ERCC3: variants seen among roughly 807,000 people sequenced by gnomAD.
The protein encoded by ERCC3 is ERCC excision repair 3, TFIIH core complex helicase subunit.
In ERCC3, 66 loss-of-function variants were observed where a neutral mutation model predicts 94.2. The ratio of observed to expected loss-of-function variants is 0.70; its 90% CI spans 0.57 to 0.86. The LOEUF (loss-of-function observed/expected upper bound fraction) is 0.86, where lower values mean the gene tolerates loss of function less well. Among genes scored for constraint, ERCC3 ranks in the 40% least tolerant of loss-of-function variants. ERCC3 has a pLI of 0.00. For synonymous variants in ERCC3, 349 were observed against 369.1 expected, an observed-to-expected ratio of 0.95 and a Z score of 0.63; for missense variants, 829 against 987.1, an observed-to-expected ratio of 0.84 and a Z score of 2.15.
chr2:127,293,844 T>C lies in ERCC3; in HGVS notation c.29-126A>G, dbSNP rs758975368. The C allele has an allele frequency of 2.1e-5, 33 of 1,574,630 alleles. No homozygotes were observed. The African/African-American group carries it at 4.0e-4, about 19-fold the overall frequency. On this transcript the variant is annotated intron_variant, in intron 1 of 14. Transcript: ENST00000285398. ...AAGAGCCACCTGCATCCCGCAGGCG[T>C]TGCGCCCCTCACCCGTCTCCCCTAG...
chr2:127,282,926 AAACATG>A (rs1031264093), intron 8 of ERCC3, among the ~76,000 whole-genome samples: 6 of 152,124 alleles, frequency 3.9e-5, no homozygotes, highest in Non-Finnish European at 7.3e-5. Flanking sequence ...GGTTAAAGAA[AAACATG>A]AACGTGTACC....
At chr2:127,290,126 G>T in intron 4 of ERCC3, 98 bp downstream of exon 4, 1 of 1,015,870 alleles carries the variant, frequency 9.8e-7, no homozygotes, top group Non-Finnish European at 1.6e-6. Context: ...TCACAGAAAA[G>T]ACAGCATAAA....
At position 127,272,950 on chromosome 2, in the gene ERCC3, T is replaced by C. The variant is rs778277009; in HGVS notation, c.1742A>G (p.Tyr581Cys). 6 of 1,606,012 alleles carry C rather than the reference T, an allele frequency of 3.7e-6. No homozygotes were observed. The highest frequency in any genetic ancestry group is 5.1e-6 in the Non-Finnish European group (6 of 1,172,664). Reference sequence around the variant, plus strand: ...CCTTTCCCCCTGAGACGTAGGTCCGTAGATATAGGGTCTAGAGAAGAATGA... The same window carrying C: ...CCTTTCCCCCTGAGACGTAGGTCCGCAGATATAGGGTCTAGAGAAGAATGA... The part of the protein sequence containing the change: ...YAIRLNKPYI[Y>C]GPTSQGERMQ... The change falls in exon 11 of 15, where the codon TAC (tyrosine) becomes TGC (cysteine). Residue 581 changes from tyrosine (Y) to cysteine (C), a missense_variant. By Grantham distance (194) the Tyr-to-Cys change is radical. Transcript: ENST00000285398.
At chr2:127,269,392 T>G (rs1263151587) in intron 12 of ERCC3, among the ~76,000 whole-genome samples, 1 of 152,072 alleles carries the variant, frequency 6.6e-6, no homozygotes, top group East Asian at 1.9e-4. Context: ...AAACAGTGTT[T>G]TGAGTAAGAA....
chr2:127,282,622 C>T (rs1684951448), intron 8 of ERCC3, among the ~76,000 whole-genome samples: 1 of 152,220 alleles, frequency 6.6e-6, no homozygotes, highest in Non-Finnish European at 1.5e-5. Flanking sequence ...GACGTTAAGA[C>T]AGTCAGGAGA....
chr2:127,286,951 C>T lies in ERCC3; in HGVS notation c.1094G>A (p.Gly365Asp), dbSNP rs772229792. 1 of 1,614,092 alleles carries T rather than the reference C, an allele frequency of 6.2e-7. No individual in the cohort carries two copies. Among genetic ancestry groups the T allele is most frequent in the Admixed American group, 1.7e-5 (1 of 60,022 alleles). Reference sequence around the variant, plus strand: ...CTGCTCCACAGAAACAGCTGAGTTGCCCAGCACCAGACAGCGTTTTCTGAC... The same window carrying T: ...CTGCTCCACAGAAACAGCTGAGTTGTCCAGCACCAGACAGCGTTTTCTGAC... ...CTVRKRCLVL[G>D]NSAVSVEQWK... Residue 365 changes from glycine to aspartate, a missense_variant, in exon 8 of 15, where the codon GGC (glycine) becomes GAC (aspartate). By Grantham distance (94) the Gly-to-Asp change is moderately conservative (BLOSUM62 -1). Transcript: ENST00000285398.
In ERCC3 at chr2:127,257,879, T is replaced by C; in HGVS notation, c.2218-152A>G. 2 of 888,984 alleles carry C rather than the reference T, an allele frequency of 2.2e-6. No individual in the cohort carries two copies. The highest frequency in any genetic ancestry group is 3.5e-6 in the Non-Finnish European group (2 of 565,600). The allele number at this position is 888,984 out of a possible 1,614,324, so 55.1% of individuals were successfully genotyped here. A position where few individuals can be genotyped will look rare whatever the true frequency, so the allele number is the denominator to read the frequency against. On this transcript the variant is annotated intron_variant, in intron 14 of 14. Coordinates refer to ENST00000285398, the MANE Select transcript of ERCC3 (RefSeq NM_000122.2). This position sits in a 1 kb window ranked among gnomAD's most constrained non-coding sequence, Gnocchi z 5.4. ...TACAGATCGCTTACTGTCTCAGGCA[T>C]TGTTCTAAGCATTTTACATGCATTA...
intron 2 of ERCC3, among the ~76,000 whole-genome samples, chr2:127,293,111 T>C (rs1363981626): frequency 6.6e-6 from 1 of 152,274 alleles, no homozygotes; most frequent in Non-Finnish European, 1.5e-5. Context: ...ATCCTCAAGT[T>C]ACCTTTTGGC....
At position 127,259,511 on chromosome 2, in the gene ERCC3, T is replaced by A; in HGVS notation, c.2065-63A>T. 6.2e-7 allele frequency: 1 copy of A among 1,606,372 alleles called. No individual in the cohort carries two copies. The highest frequency in any genetic ancestry group is 1.7e-5 in the Admixed American group (1 of 59,998). ...TCTCTCTCCCCAGCCCTCCTCTGCC[T>A]TCTCCTGGGTCCACCTGCTTTGGTC... On this transcript the variant is annotated intron_variant, in intron 13 of 14. Transcript: ENST00000285398. This position sits in a 1 kb window ranked among gnomAD's most constrained non-coding sequence, Gnocchi z 4.9.
In ERCC3 at chr2:127,271,195, T is replaced by C; in HGVS notation, c.1945+141A>G. 4 of 755,932 alleles carry C rather than the reference T, an allele frequency of 5.3e-6. No homozygotes were observed. The highest frequency in any genetic ancestry group is 9.7e-6 in the Non-Finnish European group (4 of 414,094). The allele number at this position is 755,932 out of a possible 1,614,324, so 46.8% of individuals were successfully genotyped here. A position where few individuals can be genotyped will look rare whatever the true frequency, so the allele number is the denominator to read the frequency against. Reference sequence around the variant, plus strand: ...GAAATAATGATGGGCCATAAGGATCTAGGTCTTTGCTTTGGGATTCTCTCC... The same window carrying C: ...GAAATAATGATGGGCCATAAGGATCCAGGTCTTTGCTTTGGGATTCTCTCC... On this transcript the variant is annotated intron_variant, in intron 12 of 14. Coordinates refer to ENST00000285398, the MANE Select transcript of ERCC3 (RefSeq NM_000122.2). This position sits in a 1 kb window ranked among gnomAD's most constrained non-coding sequence, Gnocchi z 5.0.
chr2:127,288,874 G>C lies in ERCC3; in HGVS notation c.823-10C>G, dbSNP rs1181787724. 3 of 1,603,940 alleles carry C rather than the reference G, an allele frequency of 1.9e-6. No individual in the cohort carries two copies. The highest frequency in any genetic ancestry group is 2.6e-6 in the Non-Finnish European group (3 of 1,171,494). The stretch of plus-strand genomic sequence containing the variant: ...GTTCCTCAATCATTTCCTGGAAAGA[G>C]GGCACAAAAGGGGTTTTAAAATCTT... On this transcript the variant is annotated splice_polypyrimidine_tract_variant and intron_variant, in intron 6 of 14. Coordinates refer to ENST00000285398, the MANE Select transcript of ERCC3 (RefSeq NM_000122.2).
At position 127,259,492 on chromosome 2, in the gene ERCC3, TC is replaced by T; in HGVS notation, c.2065-45del. 1.2e-6 allele frequency: 2 copies of T among 1,612,112 alleles called. No individual in the cohort carries two copies. ...CAGACATGCCCCTTTCTGCTCTCTC[TC>T]CCCAGCCCTCCTCTGCCTTCTCCTG... is the stretch of plus-strand genomic sequence containing the variant. On this transcript the variant is annotated intron_variant, in intron 13 of 14. Transcript: ENST00000285398. The surrounding 1 kb of genome is among the most constrained non-coding windows in gnomAD (Gnocchi z 4.9).
chr2:127,279,451 T>C lies in ERCC3; in HGVS notation c.1528-76A>G. On this transcript the variant is annotated intron_variant, in intron 9 of 14. Coordinates refer to ENST00000285398, the MANE Select transcript of ERCC3 (RefSeq NM_000122.2). This position sits in a 1 kb window ranked among gnomAD's most constrained non-coding sequence, Gnocchi z 4.7. ...AATTTAAAACTTTTGAAGACCTTTC[T>C]CTAGCAGAATTAGCTTTAAAACAAA... is the stretch of plus-strand genomic sequence containing the variant. 8.7e-7 allele frequency: 1 copy of C among 1,151,694 alleles called. No individual in the cohort carries two copies. The highest frequency in any genetic ancestry group is 1.2e-5 in the South Asian group (1 of 80,800). The allele number at this position is 1,151,694 out of a possible 1,614,324, so 71.3% of individuals were successfully genotyped here. A position where few individuals can be genotyped will look rare whatever the true frequency, so the allele number is the denominator to read the frequency against.
chr2:127,269,263 G>C (rs1684472891), intron 12 of ERCC3, among the ~76,000 whole-genome samples: 2 of 152,068 alleles, frequency 1.3e-5, no homozygotes, highest in African/African-American at 4.8e-5. Context: ...AGGAAAATCT[G>C]AACATCTTTG....
chr2:127,270,532 C>T (rs755408197), intron 12 of ERCC3, among the ~76,000 whole-genome samples: 8 of 152,190 alleles, frequency 5.3e-5, no homozygotes, highest in African/African-American at 7.2e-5. Context: ...AGCTACTAGA[C>T]GCTTCTTAAA....
chr2:127,260,447 CCCAAGCA>C (rs1684156339), intron 13 of ERCC3: 1 of 152,202 alleles, frequency 6.6e-6, no homozygotes, highest in Non-Finnish European at 1.5e-5. Context: ...GGGCTCAAAA[CCCAAGCA>C]TCTTGTCCTC....
At position 127,288,839 on chromosome 2, in the gene ERCC3, C is replaced by G; in HGVS notation, c.848G>C (p.Arg283Pro). ...KQEMIEELQK[R>P]CIHLEYPLLA... ...CAGAGGGTACTCCAGGTGGATGCAA[C>G]GTTTCTGGAGTTCCTCAATCATTTC... Residue 283 changes from arginine to proline, a missense_variant, in exon 7 of 15, where the codon CGT (arginine) becomes CCT (proline). Arg to Pro is a moderately radical substitution (Grantham distance 103). Transcript: ENST00000285398. 1 of 1,613,642 alleles carries G rather than the reference C, an allele frequency of 6.2e-7. No homozygotes were observed. Among genetic ancestry groups the G allele is most frequent in the Non-Finnish European group, 8.5e-7 (1 of 1,179,716 alleles).
At chr2:127,285,520 G>A (rs1685036463) in intron 8 of ERCC3, among the ~76,000 whole-genome samples, 1 of 152,104 alleles carries the variant, frequency 6.6e-6, no homozygotes, top group Non-Finnish European at 1.5e-5. Flanking sequence ...GAGAAACCCT[G>A]TCTCTACTAA....
At position 127,284,237 on chromosome 2, in the gene ERCC3, G is replaced by A. The variant is rs1465445520; in HGVS notation, c.1342+2466C>T. On this transcript the variant is annotated intron_variant, in intron 8 of 14. Transcript: ENST00000285398. The surrounding 1 kb of genome is among the most constrained non-coding windows in gnomAD (Gnocchi z 4.1). ...CAGCAGCCAGGGCAGTATTTTTACA[G>A]TGTAAAGTCAACTCATGTCATGCTC... The A allele has an allele frequency of 6.6e-6, 1 of 152,234 alleles. No individual in the cohort carries two copies. 9.4% of individuals were successfully genotyped at this position (152,234 alleles called of 1,614,324 possible).
Sources: allele counts gnomAD v4.1 joint callset (sites outside exome capture counted in the v4.1 genomes callset), GRCh38; gene constraint gnomAD v4.1.1; non-coding constraint Gnocchi (gnomAD v3.1); transcripts MANE v1.5; gene names NCBI Gene and HGNC (gene_info 2026-07-23, HGNC 2026-07-21).